The following ERBB4 variants were observed in gnomAD, a reference collection of about 807,000 sequenced individuals.
The protein encoded by ERBB4 is receptor tyrosine-protein kinase erbB-4.
A neutral mutation model predicts 158.0 loss-of-function variants in ERBB4; 42 were observed. The ratio of observed to expected loss-of-function variants is 0.27; its 90% confidence interval spans 0.21 to 0.34. The LOEUF is 0.34. Ranked by LOEUF, ERBB4 falls within the 10% of genes least tolerant of loss-of-function variation. The probability of loss-of-function intolerance (pLI) is 1.00; values close to 1 mark genes in which losing one functional copy is unlikely to be tolerated. For missense variants in ERBB4, 1,333 were observed against 1,624.1 expected, an observed-to-expected ratio of 0.82 and a Z score of 3.08; for synonymous variants, 583 against 558.7, an observed-to-expected ratio of 1.04 and a Z score of -0.61.
intron 3 of ERBB4, among the ~76,000 whole-genome samples, chr2:211,941,275 CG>C (rs1255430085): frequency 1.4e-5 from 2 of 146,300 alleles, no homozygotes; most frequent in Admixed American, 1.4e-4. Flanking sequence ...TTTTTTTTGG[CG>C]GCAAATATCA....
intron 3 of ERBB4, among the ~76,000 whole-genome samples, chr2:211,902,129 T>C (rs2079252461): frequency 6.6e-6 from 1 of 152,100 alleles, no homozygotes; most frequent in South Asian, 2.1e-4. Context: ...TTGGTTTAAA[T>C]ATGTGATCTC....
intron 1 of ERBB4, among the ~76,000 whole-genome samples, chr2:212,155,449 T>C (rs1299758821): frequency 6.6e-6 from 1 of 152,072 alleles, no homozygotes; most frequent in African/African-American, 2.4e-5. Context: ...TTTATGAGAA[T>C]CACATTTCAG....
intron 1 of ERBB4, among the ~76,000 whole-genome samples, chr2:212,214,926 A>C (rs1437511096): frequency 6.6e-6 from 1 of 151,702 alleles, no homozygotes; most frequent in East Asian, 1.9e-4. Flanking sequence ...ATCAAGGAAA[A>C]TGATTAAAAT....
At chr2:211,514,079 C>G (rs570481721) in intron 20 of ERBB4, among the ~76,000 whole-genome samples, 1 of 152,216 alleles carries the variant, frequency 6.6e-6, no homozygotes, top group South Asian at 2.1e-4. Flanking sequence ...CTTATTCTTT[C>G]TATCTAACTG....
At chr2:212,400,595 T>G (rs1026348586) in intron 1 of ERBB4, among the ~76,000 whole-genome samples, 2 of 152,272 alleles carry the variant, frequency 1.3e-5, no homozygotes, top group African/African-American at 4.8e-5. Flanking sequence ...CATCAAAATT[T>G]TACATTGAAT....
chr2:211,606,884 C>A (rs1371046117), intron 19 of ERBB4, among the ~76,000 whole-genome samples: 2 of 151,998 alleles, frequency 1.3e-5, no homozygotes, highest in Non-Finnish European at 2.9e-5. Context: ...GAGGAAAAAC[C>A]TTTTCTGATG....
intron 1 of ERBB4, among the ~76,000 whole-genome samples, chr2:212,166,772 C>T (rs747506377): frequency 1.3e-5 from 2 of 151,922 alleles, no homozygotes; most frequent in African/African-American, 2.4e-5. Context: ...GAACAGAGGC[C>T]TCAGAAATAA....
At chr2:211,547,694 G>T (rs1324513056) in intron 20 of ERBB4, among the ~76,000 whole-genome samples, 1 of 151,964 alleles carries the variant, frequency 6.6e-6, no homozygotes, top group Non-Finnish European at 1.5e-5. Context: ...ATGAAATTGT[G>T]TGAGCACTTT....
chr2:211,419,539 C>A (rs1165738986), intron 25 of ERBB4, among the ~76,000 whole-genome samples: 1 of 151,996 alleles, frequency 6.6e-6, no homozygotes, highest in African/African-American at 2.4e-5. Flanking sequence ...ATGTTTATAT[C>A]TTATCAATGG....
intron 1 of ERBB4, among the ~76,000 whole-genome samples, chr2:212,330,223 T>TTTTGTTTG (rs10627399): frequency 2.5e-4 from 38 of 151,672 alleles, no homozygotes; most frequent in Admixed American, 3.3e-4. Context: ...TATCTGTGTT[T>TTTTGTTTG]TTTGTTTGTT....
chr2:212,286,860 C>T (rs953115983), intron 1 of ERBB4, among the ~76,000 whole-genome samples: 1 of 146,220 alleles, frequency 6.8e-6, no homozygotes, highest in Middle Eastern at 3.6e-3. Context: ...ATCCGCCAGC[C>T]TCTGCCTCCC....
At chr2:211,966,658 T>C (rs1222488383) in intron 2 of ERBB4, among the ~76,000 whole-genome samples, 2 of 152,216 alleles carry the variant, frequency 1.3e-5, no homozygotes, top group East Asian at 1.9e-4. Flanking sequence ...TATATACCAT[T>C]ACATGTTTAT....
rs2090469969 is a variant in ERBB4 at position 212,380,543 on chromosome 2, G to A, written c.82+157906C>T. On this transcript the variant is annotated intron_variant, in intron 1 of 27. Transcript: ENST00000342788. ...ATTTACAACTGATGTATTTGTTTAG[G>A]AAATTGACATCAGGAATGCAGCTCA... Among the ~76,000 whole-genome samples the A allele has an allele frequency of 2.7e-5, 4 of 150,454 alleles. No homozygotes were observed. In the South Asian group the frequency reaches 8.4e-4, roughly 31 times the overall value.
intron 1 of ERBB4, among the ~76,000 whole-genome samples, chr2:212,219,061 C>A (rs1269258118): frequency 6.6e-6 from 1 of 150,994 alleles, no homozygotes; most frequent in African/African-American, 2.4e-5. Flanking sequence ...AGTATTTTCT[C>A]CCCCGATTTA....
intron 1 of ERBB4, among the ~76,000 whole-genome samples, chr2:212,204,816 CTT>C (rs369446940): frequency 3.2e-4 from 39 of 122,170 alleles, no homozygotes; most frequent in South Asian, 5.3e-4. Context: ...TATATGAAAA[CTT>C]TTTTTTTTTT....
At chr2:212,061,403 C>T (rs559934116) in intron 2 of ERBB4, among the ~76,000 whole-genome samples, 95 of 125,506 alleles carry the variant, frequency 7.6e-4, no homozygotes, top group Non-Finnish European at 1.2e-3. Flanking sequence ...CAGTGAGCCG[C>T]GATGGTTCCA....
chr2:212,439,395 TAC>T (rs2092205696), intron 1 of ERBB4, among the ~76,000 whole-genome samples: 1 of 152,152 alleles, frequency 6.6e-6, no homozygotes, highest in Admixed American at 6.6e-5. Flanking sequence ...TGATCTTTAA[TAC>T]ACAAATTCAG....
chr2:212,513,977 T>A (rs905215670), intron 1 of ERBB4, among the ~76,000 whole-genome samples: 1 of 152,116 alleles, frequency 6.6e-6, no homozygotes. Context: ...GCTACTTTAT[T>A]TTTTACCCAT....
chr2:212,362,584 C>A (rs987423150), intron 1 of ERBB4, among the ~76,000 whole-genome samples: 1 of 150,418 alleles, frequency 6.6e-6, no homozygotes, highest in African/African-American at 2.4e-5. Context: ...GTTATGAGAT[C>A]CAAAGAATGC....
Sources: gnomAD v4.1 joint callset for allele counts (sites outside exome capture counted in the v4.1 genomes callset) on GRCh38, gnomAD v4.1.1 for gene constraint, MANE v1.5 for transcripts, NCBI Gene and HGNC (gene_info 2026-07-23, HGNC 2026-07-21) for gene names.